The following GNS variants were observed in gnomAD, a reference collection of about 807,000 sequenced individuals.
The protein encoded by GNS is N-acetylglucosamine-6-sulfatase.
GNS carries 40 observed loss-of-function variants against 69.7 expected under a neutral mutation model. The ratio of observed to expected loss-of-function variants is 0.57; its 90% CI spans 0.45 to 0.75. GNS has a LOEUF of 0.75. Among genes scored for constraint, GNS ranks in the 30% least tolerant of loss-of-function variants. The pLI is 0.00. For missense variants in GNS, 565 were observed against 685.5 expected, an observed-to-expected ratio of 0.82 and a Z score of 1.96; for synonymous variants, 243 against 251.6, an observed-to-expected ratio of 0.97 and a Z score of 0.32.
chr12:64,730,434 C>CAAAAAAAAA (rs35692874), intron 9 of GNS, among the ~76,000 whole-genome samples: 2 of 43,394 alleles, frequency 4.6e-5, no homozygotes, highest in South Asian at 1.3e-3. Context: ...ATATGAAAGG[C>CAAAAAAAAA]AAAAAAAAAA....
chr12:64,741,736 T>C (rs1869743210), intron 6 of GNS, among the ~76,000 whole-genome samples: 1 of 152,162 alleles, frequency 6.6e-6, no homozygotes, highest in African/African-American at 2.4e-5. Context: ...TTCTCTCTTC[T>C]CTATTCGTAA....
At chr12:64,747,021 G>A (rs17100632) in intron 3 of GNS, among the ~76,000 whole-genome samples, 1 of 152,024 alleles carries the variant, frequency 6.6e-6, no homozygotes, top group African/African-American at 2.4e-5. Context: ...AAACATTCTC[G>A]AACATACTAT....
intron 6 of GNS, 114 bp from the exon 7 acceptor site, chr12:64,740,802 GAACT>G: frequency 1.5e-6 from 1 of 688,728 alleles, no homozygotes; most frequent in Admixed American, 2.1e-5. Flanking sequence ...CAGCAAGAAG[GAACT>G]AACTGGAACT....
chr12:64,749,248 C>CT lies in GNS; in HGVS notation c.253-1331dup, dbSNP rs759239939. On this transcript the variant is annotated intron_variant, in intron 2 of 13. Coordinates refer to ENST00000258145, the MANE Select transcript of GNS (RefSeq NM_002076.4). ...GCCACTGTGCCCGGCCTTGATTTGGCTTTTTTTTTTTTTTTTTTTTTTGAG... is the reference window on the plus strand; with the variant it reads ...GCCACTGTGCCCGGCCTTGATTTGGCTTTTTTTTTTTTTTTTTTTTTTTGAG... Among the ~76,000 whole-genome samples the CT allele has an allele frequency of 9.3e-3, 604 of 65,064 alleles. 15 individuals are homozygous for CT. The highest frequency in any genetic ancestry group is 0.018 in the East Asian group (44 of 2,456). The allele number at this position is 65,064 out of a possible 152,430, so 42.7% of individuals were successfully genotyped here.
At chr12:64,733,897 T>A (rs148887773) in intron 9 of GNS, among the ~76,000 whole-genome samples, 76 of 150,986 alleles carry the variant, frequency 5.0e-4, no homozygotes, top group African/African-American at 1.7e-3. Flanking sequence ...ACGTCAATAG[T>A]CAATCTTTGA....
rs558864941 is a variant in GNS, at chr12:64,740,806, T to C, written c.793-118A>G. On this transcript the variant is annotated intron_variant, in intron 6 of 13. Transcript: ENST00000258145. ...CACTCATACTTCAGCAAGAAGGAAC[T>C]AACTGGAACTTGTTTAAGCAATTTC... is the stretch of plus-strand genomic sequence containing the variant. 43 of 689,700 alleles carry C rather than the reference T, an allele frequency of 6.2e-5. No individual in the cohort carries two copies. The Admixed American group carries it at 8.2e-4, about 13-fold the overall frequency. 42.7% of individuals were successfully genotyped at this position (689,700 alleles called of 1,614,324 possible). A position where few individuals can be genotyped will look rare whatever the true frequency, so the allele number is the denominator to read the frequency against.
At position 64,752,678 on chromosome 12, in the gene GNS, G is replaced by A. The variant is rs773575026; in HGVS notation, c.252+20C>T. The A allele has an allele frequency of 2.1e-5, 27 of 1,281,586 alleles. No homozygotes were observed. Among genetic ancestry groups the A allele is most frequent in the Non-Finnish European group, 2.8e-5 (25 of 879,966 alleles). 79.4% of individuals were successfully genotyped at this position (1,281,586 alleles called of 1,614,324 possible). ...CAAACACAGTTAAATTAACAAAATTGAATTAACTTTCAAACTTACAGCACT... is the reference window on the plus strand; with the variant it reads ...CAAACACAGTTAAATTAACAAAATTAAATTAACTTTCAAACTTACAGCACT... On this transcript the variant is annotated intron_variant, in intron 2 of 13. Transcript: ENST00000258145.
intron 10 of GNS, among the ~76,000 whole-genome samples, chr12:64,724,380 T>C (rs1198847414): frequency 6.6e-6 from 1 of 152,180 alleles, no homozygotes; most frequent in Admixed American, 6.5e-5. Flanking sequence ...CTCTAAAGAA[T>C]GCTAAATGTG....
chr12:64,739,768 T>A (rs920187061), intron 7 of GNS, among the ~76,000 whole-genome samples: 16 of 152,234 alleles, frequency 1.1e-4, no homozygotes, highest in African/African-American at 3.9e-4. Context: ...AAGTTAATTG[T>A]TTCCAAAGAA....
At chr12:64,727,043 C>A (rs1383926618) in intron 10 of GNS, among the ~76,000 whole-genome samples, 1 of 151,904 alleles carries the variant, frequency 6.6e-6, no homozygotes, top group African/African-American at 2.4e-5. Flanking sequence ...CAGGGAAATA[C>A]AAATCAAAAC....
rs991965959 is a variant in GNS at position 64,744,746 on chromosome 12, G to A, written c.624+63C>T. On this transcript the variant is annotated intron_variant, in intron 5 of 13. Transcript: ENST00000258145. Reference sequence around the variant, plus strand: ...AATAAGATTATAGGTTTTCTAGGCAGAGTCTTCAATCAAATGTGAGCCAAC... The same window carrying A: ...AATAAGATTATAGGTTTTCTAGGCAAAGTCTTCAATCAAATGTGAGCCAAC... The A allele has an allele frequency of 5.2e-5, 42 of 810,406 alleles. No homozygotes were observed. In the Admixed American group the frequency reaches 7.1e-4, roughly 14 times the overall value. 50.2% of individuals were successfully genotyped at this position (810,406 alleles called of 1,614,324 possible).
intron 1 of GNS, chr12:64,752,989 T>A (rs1301671814): frequency 5.3e-6 from 3 of 570,856 alleles, no homozygotes. Context: ...GAAAGTTCAG[T>A]TGATGGCAAT....
At position 64,729,065 on chromosome 12, in the gene GNS, A is replaced by T; in HGVS notation, c.1099-8T>A. On this transcript the variant is annotated splice_polypyrimidine_tract_variant and splice_region_variant and intron_variant, in intron 9 of 13. Coordinates refer to ENST00000258145, the MANE Select transcript of GNS (RefSeq NM_002076.4). ...AATGTTGGCAACCAGCATCTATGAGAATGAGGGAAAAACAATCTAGAACAC... is the reference window on the plus strand; with the variant it reads ...AATGTTGGCAACCAGCATCTATGAGTATGAGGGAAAAACAATCTAGAACAC... 1 of 1,421,962 alleles carries T rather than the reference A, an allele frequency of 7.0e-7. No individual in the cohort carries two copies. Among genetic ancestry groups the T allele is most frequent in the Non-Finnish European group, 1.0e-6 (1 of 1,004,640 alleles). The allele number at this position is 1,421,962 out of a possible 1,614,324, so 88.1% of individuals were successfully genotyped here.
chr12:64,752,609 T>C lies in GNS; in HGVS notation c.252+89A>G, dbSNP rs964159602. 8 of 757,896 alleles carry C rather than the reference T, an allele frequency of 1.1e-5. No homozygotes were observed. In the Admixed American group the frequency reaches 1.3e-4, roughly 13 times the overall value. 46.9% of individuals were successfully genotyped at this position (757,896 alleles called of 1,614,324 possible). On this transcript the variant is annotated intron_variant, in intron 2 of 13. Coordinates refer to ENST00000258145, the MANE Select transcript of GNS (RefSeq NM_002076.4). ...GGCATTTAACAAGGAAAAAACCACA[T>C]AGATCATACCAGATTCCCGAGAAGA...
rs570643984 is a variant in GNS, at chr12:64,719,890, A to G, written c.1580+132T>C. On this transcript the variant is annotated intron_variant, in intron 13 of 13. Coordinates refer to ENST00000258145, the MANE Select transcript of GNS (RefSeq NM_002076.4). ...TTTTCCCAGCACAACGGGCTGATGC[A>G]ATTAGAACACAGTATTCCCTCTAAA... is the stretch of plus-strand genomic sequence containing the variant. 274 of 733,116 alleles carry G rather than the reference A, an allele frequency of 3.7e-4. No individual in the cohort carries two copies. The African/African-American group carries it at 4.2e-3, about 11-fold the overall frequency. 45.4% of individuals were successfully genotyped at this position (733,116 alleles called of 1,614,324 possible). A position where few individuals can be genotyped will look rare whatever the true frequency, so the allele number is the denominator to read the frequency against.
chr12:64,745,636 C>T, intron 4 of GNS, 23 bp downstream of exon 4: 1 of 1,393,066 alleles, frequency 7.2e-7, no homozygotes, highest in South Asian at 1.2e-5. Context: ...ATAAAATTGT[C>T]ACAGACTTCA....
chr12:64,749,873 ATTT>A (rs35784292), intron 2 of GNS, among the ~76,000 whole-genome samples: 5 of 127,796 alleles, frequency 3.9e-5, no homozygotes, highest in South Asian at 5.0e-4. Flanking sequence ...TGGTAGAGCA[ATTT>A]TTTTTTTTTT....
intron 9 of GNS, among the ~76,000 whole-genome samples, chr12:64,730,696 T>C (rs1869363649): frequency 6.6e-6 from 1 of 152,104 alleles, no homozygotes; most frequent in South Asian, 2.1e-4. Context: ...TACAGATAAT[T>C]TTCCTGGTTC....
At chr12:64,755,561 G>C (rs1870224363) in intron 1 of GNS, among the ~76,000 whole-genome samples, 2 of 142,596 alleles carry the variant, frequency 1.4e-5, no homozygotes, top group African/African-American at 2.6e-5. Context: ...CTGGGTGACA[G>C]AGCAAGACTC....
Sources: gnomAD v4.1 joint callset for allele counts (sites outside exome capture counted in the v4.1 genomes callset) on GRCh38, gnomAD v4.1.1 for gene constraint, MANE v1.5 for transcripts, NCBI Gene and HGNC (gene_info 2026-07-23, HGNC 2026-07-21) for gene names.